TRIO: variants seen among roughly 807,000 people sequenced by gnomAD.
TRIO encodes triple functional domain protein.
Under a neutral mutation model 351.9 loss-of-function variants are expected in TRIO, and 58 were observed. The ratio of observed to expected loss-of-function variants is 0.16; its 90% CI spans 0.13 to 0.21. TRIO has a LOEUF of 0.21. TRIO is among the 10% of genes least tolerant of loss of function. The pLI, the probability that TRIO is intolerant of heterozygous loss-of-function variation, is 1.00. For synonymous variants in TRIO, 1,758 were observed against 1,595.7 expected (o/e 1.10, Z -2.42); for missense variants, 3,201 against 4,027.8 (o/e 0.79, Z 5.56).
intron 34 of TRIO, among the ~76,000 whole-genome samples, chr5:14,440,636 A>G (rs769021144): frequency 2.0e-5 from 3 of 152,210 alleles, no homozygotes; most frequent in East Asian, 3.8e-4. Context: ...TATGTTTTTA[A>G]TAAGTGAGGA....
chr5:14,427,836 C>T (rs1750777676), intron 34 of TRIO, among the ~76,000 whole-genome samples: 1 of 152,076 alleles, frequency 6.6e-6, no homozygotes, highest in Non-Finnish European at 1.5e-5. Context: ...TGCCACAGAC[C>T]CACCTTCTTG....
At chr5:14,270,204 A>AG (rs1795902493) in intron 1 of TRIO, among the ~76,000 whole-genome samples, 1 of 152,182 alleles carries the variant, frequency 6.6e-6, no homozygotes, top group South Asian at 2.1e-4. Context: ...TAGTGAGAAG[A>AG]GGGACCTTGG....
At chr5:14,175,663 ATAAAACTAGTTTTATT>A (rs1789361034) in intron 1 of TRIO, among the ~76,000 whole-genome samples, 2 of 152,256 alleles carry the variant, frequency 1.3e-5, no homozygotes. Context: ...GGCATTTTAA[ATAAAACTAGTTTTATT>A]TAAAACTAGT....
intron 34 of TRIO, among the ~76,000 whole-genome samples, chr5:14,455,346 CAG>C (rs1753200468): frequency 6.6e-6 from 1 of 152,194 alleles, no homozygotes; most frequent in Non-Finnish European, 1.5e-5. Flanking sequence ...GAGCTAGACA[CAG>C]AGTGCTGATT....
At chr5:14,484,386 G>C (rs9312869) in intron 46 of TRIO, among the ~76,000 whole-genome samples, 5,524 of 152,198 alleles carry the variant, frequency 0.036, 350 homozygotes, top group African/African-American at 0.12. Context: ...AATCCCAGAC[G>C]CATATTTCTA....
rs1214870347 is a variant in TRIO, at chr5:14,509,642, T to C, written c.*1220T>C. The C allele has an allele frequency of 6.1e-6, 2 of 327,670 alleles. No homozygotes were observed. Among genetic ancestry groups the C allele is most frequent in the Non-Finnish European group, 1.2e-5 (2 of 168,834 alleles). The allele number at this position is 327,670 out of a possible 1,614,324, so 20.3% of individuals were successfully genotyped here. A position where few individuals can be genotyped will look rare whatever the true frequency, so the allele number is the denominator to read the frequency against. Reference sequence around the variant, plus strand: ...TGACGTTGAACTTTCTGTATAAAAATTGGCTGGGTTTTGAGCTTTTGGTAA... The same window carrying C: ...TGACGTTGAACTTTCTGTATAAAAACTGGCTGGGTTTTGAGCTTTTGGTAA... On this transcript the variant is annotated 3_prime_UTR_variant, in exon 57 of 57. Transcript: ENST00000344204.
rs533621748 is a variant in TRIO at position 14,444,659 on chromosome 5, T to C, written c.5204-16360T>C. 5.3e-5 allele frequency among the ~76,000 whole-genome samples: 8 copies of C among 152,350 alleles called. No individual in the cohort carries two copies. The South Asian group carries it at 1.2e-3, about 24-fold the overall frequency. On this transcript the variant is annotated intron_variant, in intron 34 of 56. Coordinates refer to ENST00000344204, the MANE Select transcript of TRIO (RefSeq NM_007118.4). ...TGCTCTCCAAAATCTACATTGAAGG[T>C]TCTATTTCATTTTAAGCAAACTGCA...
intron 34 of TRIO, among the ~76,000 whole-genome samples, chr5:14,431,242 G>GGTCT (rs1751098084): frequency 6.6e-6 from 1 of 152,140 alleles, no homozygotes; most frequent in African/African-American, 2.4e-5. Flanking sequence ...ACGTGTTCAG[G>GGTCT]GTCTGCCCTG....
chr5:14,387,996 T>C, intron 23 of TRIO, 149 bp downstream of exon 23: 1 of 699,314 alleles, frequency 1.4e-6, no homozygotes, highest in South Asian at 1.9e-5. Flanking sequence ...CAGCACAGAC[T>C]TCGCTGCGTT....
Position 14,474,022 on chromosome 5 carries a change from G to A in TRIO, c.6008G>A (p.Gly2003Asp). ...TACATGGCACTTATGAAAGAAGATG[G>A]TGTTCCTGATGACATGAAAGGAAAA... is the stretch of plus-strand genomic sequence containing the variant. ...EGYMALMKED[G>D]VPDDMKGKDK... is the part of the protein sequence containing the mutation. The change falls in exon 40 of 57, where the codon GGT becomes GAT. Residue 2003 changes from glycine (G) to aspartate (D), a missense_variant. This residue lies in a region of TRIO where 307 missense variants were observed against 396.5 expected (regional missense o/e 0.77). Coordinates refer to ENST00000344204, the MANE Select transcript of TRIO (RefSeq NM_007118.4). 1 of 1,613,338 alleles carries A rather than the reference G, an allele frequency of 6.2e-7. No homozygotes were observed. The highest frequency in any genetic ancestry group is 8.5e-7 in the Non-Finnish European group (1 of 1,179,372).
chr5:14,281,579 A>G (rs549644242), intron 3 of TRIO, among the ~76,000 whole-genome samples: 1 of 152,196 alleles, frequency 6.6e-6, no homozygotes, highest in Non-Finnish European at 1.5e-5. Context: ...TCTGGAAAAC[A>G]TAATACCATG....
chr5:14,344,687 A>G (rs1742257610), intron 11 of TRIO, among the ~76,000 whole-genome samples: 1 of 152,260 alleles, frequency 6.6e-6, no homozygotes, highest in Admixed American at 6.5e-5. Context: ...ACAAATATCT[A>G]GGTATAATGT....
chr5:14,460,745 G>A (rs567998411), intron 34 of TRIO, among the ~76,000 whole-genome samples: 2 of 152,300 alleles, frequency 1.3e-5, no homozygotes, highest in South Asian at 2.1e-4. Context: ...GGCTGATAAC[G>A]ATGCTGGTCT....
At chr5:14,365,455 G>T (rs901153041) in intron 15 of TRIO, among the ~76,000 whole-genome samples, 6 of 152,124 alleles carry the variant, frequency 3.9e-5, no homozygotes, top group African/African-American at 1.2e-4. Context: ...AGCAGGAGGT[G>T]GTGCAGAAGT....
At chr5:14,155,228 C>T (rs904413826) in intron 1 of TRIO, among the ~76,000 whole-genome samples, 1 of 152,156 alleles carries the variant, frequency 6.6e-6, no homozygotes, top group Non-Finnish European at 1.5e-5. Flanking sequence ...CTTTGTCTTC[C>T]TCTGCTTCTC....
At position 14,474,057 on chromosome 5, in the gene TRIO, G is replaced by A; in HGVS notation, c.6043G>A (p.Val2015Met). The A allele has an allele frequency of 6.2e-7, 1 of 1,613,500 alleles. No homozygotes were observed. Among genetic ancestry groups the A allele is most frequent in the Non-Finnish European group, 8.5e-7 (1 of 1,179,484 alleles). Residue 2015 changes from valine (V) to methionine (M), a missense_variant, in exon 40 of 57, where the codon GTG becomes ATG. Val to Met is a conservative substitution (Grantham distance 21). Transcript: ENST00000344204. The part of the protein sequence containing the change: ...PDDMKGKDKI[V>M]FGNIHQIYDW... ...TGACATGAAAGGAAAAGACAAAATT[G>A]TGTTCGGCAACATCCATCAGATTTA...
intron 1 of TRIO, among the ~76,000 whole-genome samples, chr5:14,162,786 A>T (rs1345357529): frequency 3.3e-5 from 5 of 152,094 alleles, no homozygotes. Context: ...TATGTCATCA[A>T]CCACATAAAG....
intron 42 of TRIO, among the ~76,000 whole-genome samples, 188 bp downstream of exon 42, chr5:14,479,538 A>G (rs974835306): frequency 6.6e-6 from 1 of 152,182 alleles, no homozygotes; most frequent in Non-Finnish European, 1.5e-5. Flanking sequence ...GTCTGTGGTC[A>G]TACCCCTGGC....
chr5:14,391,907 G>A (rs553308746), intron 27 of TRIO, among the ~76,000 whole-genome samples: 9 of 152,136 alleles, frequency 5.9e-5, no homozygotes, highest in South Asian at 2.1e-4. Context: ...ACACATCACT[G>A]CCTTTGTTAA....
Sources: allele counts gnomAD v4.1 joint callset (sites outside exome capture counted in the v4.1 genomes callset), GRCh38; gene constraint gnomAD v4.1.1; regional missense constraint gnomAD v4.1.1; transcripts MANE v1.5; gene names NCBI Gene and HGNC (gene_info 2026-07-23, HGNC 2026-07-21).